Variants in PGAP4 observed in about 807,000 individuals in gnomAD.
PGAP4 encodes GPI-N-acetylgalactosamine transferase PGAP4.
In PGAP4, 12 loss-of-function variants were observed where a neutral mutation model predicts 28.2. That is an observed-to-expected ratio of 0.42 (90% confidence interval 0.27 to 0.69). The LOEUF (loss-of-function observed/expected upper bound fraction) is 0.69, where lower values mean the gene tolerates loss of function less well. PGAP4 is among the 30% of genes least tolerant of loss of function. The probability of loss-of-function intolerance (pLI) is 0.22; values close to 1 mark genes in which losing one functional copy is unlikely to be tolerated. For missense variants in PGAP4, 425 were observed against 513.5 expected (o/e 0.83, Z 1.67); for synonymous variants, 205 against 211.8 (o/e 0.97, Z 0.28).
chr9:101,475,123 T>A lies in PGAP4; in HGVS notation c.*758A>T. 6.6e-6 allele frequency: 1 copy of A among 152,146 alleles called. No individual in the cohort carries two copies. The highest frequency in any genetic ancestry group is 2.4e-5 in the African/African-American group (1 of 41,430). The allele number at this position is 152,146 out of a possible 1,614,324, so 9.4% of individuals were successfully genotyped here. On this transcript the variant is annotated 3_prime_UTR_variant, in exon 2 of 2. Coordinates refer to ENST00000374848, the MANE Select transcript of PGAP4 (RefSeq NM_032342.3). ...CCCTATATTGTATCATTCTGAAATG[T>A]CCAATTTTCAAAGAGTCAGAGTAGT...
chr9:101,518,144 C>T (rs1033604243), intron 2 of PGAP4, among the ~76,000 whole-genome samples: 2 of 152,122 alleles, frequency 1.3e-5, no homozygotes, highest in Non-Finnish European at 2.9e-5. Flanking sequence ...ATTTGGTTTT[C>T]TGTTCCTGCG....
At chr9:101,516,257 C>G (rs1272633213) in intron 2 of PGAP4, among the ~76,000 whole-genome samples, 1 of 152,098 alleles carries the variant, frequency 6.6e-6, no homozygotes, top group Non-Finnish European at 1.5e-5. Flanking sequence ...AAAAGTCTGT[C>G]TCATCAATAT....
intron 1 of PGAP4, among the ~76,000 whole-genome samples, chr9:101,484,137 C>G (rs1826555553): frequency 6.6e-6 from 1 of 151,666 alleles, no homozygotes; most frequent in Non-Finnish European, 1.5e-5. Context: ...CACATGCTAC[C>G]AAAGATGGAT....
At chr9:101,500,249 G>A (rs1224658455) in intron 2 of PGAP4, among the ~76,000 whole-genome samples, 1 of 152,046 alleles carries the variant, frequency 6.6e-6, no homozygotes, top group African/African-American at 2.4e-5. Context: ...GTAATCCAAA[G>A]TCATGGTGTC....
chr9:101,477,240 A>AAAC, intron 1 of PGAP4, 71 bp from the exon 2 acceptor site: 1 of 1,274,296 alleles, frequency 7.8e-7, no homozygotes. Context: ...ACAAAAAAAC[A>AAAC]AAAGGACAAG....
chr9:101,479,484 G>T (rs150781121), intron 1 of PGAP4, among the ~76,000 whole-genome samples: 1 of 152,188 alleles, frequency 6.6e-6, no homozygotes, highest in Admixed American at 6.5e-5. Context: ...TGTCAGGGGG[G>T]AAAGAAATGG....
chr9:101,515,424 A>G (rs1826935704), intron 2 of PGAP4, among the ~76,000 whole-genome samples: 1 of 152,164 alleles, frequency 6.6e-6, no homozygotes, highest in South Asian at 2.1e-4. Flanking sequence ...TTTGCCATAT[A>G]AGGTTTTCAA....
At chr9:101,503,252 G>C (rs1256577022) in intron 2 of PGAP4, among the ~76,000 whole-genome samples, 5 of 151,998 alleles carry the variant, frequency 3.3e-5, no homozygotes, top group Non-Finnish European at 4.4e-5. Flanking sequence ...GTTAAAGATG[G>C]CAAAGCAAAT....
intron 2 of PGAP4, among the ~76,000 whole-genome samples, chr9:101,494,446 A>T (rs1430292506): frequency 2.6e-5 from 4 of 151,934 alleles, no homozygotes; most frequent in Non-Finnish European, 4.4e-5. Context: ...AAATCTGGAG[A>T]TAAAAACATT....
chr9:101,484,050 T>G (rs936195216), intron 1 of PGAP4, among the ~76,000 whole-genome samples: 1 of 152,146 alleles, frequency 6.6e-6, no homozygotes, highest in African/African-American at 2.4e-5. Context: ...TGGGGCAGTA[T>G]CTATAAAAAT....
intron 2 of PGAP4, among the ~76,000 whole-genome samples, chr9:101,514,138 C>T (rs889389350): frequency 1.6e-4 from 24 of 152,048 alleles, no homozygotes; most frequent in Non-Finnish European, 3.1e-4. Context: ...TCACAGATAG[C>T]CAGAGGTAAT....
At position 101,486,257 on chromosome 9, in the gene PGAP4, T is replaced by C. The variant is rs1188496129; in HGVS notation, c.-78+692A>G. Among the ~76,000 whole-genome samples the C allele has an allele frequency of 6.6e-6, 1 of 152,190 alleles. No homozygotes were observed. The highest frequency in any genetic ancestry group is 6.5e-5 in the Admixed American group (1 of 15,284). ...CTGGATCTAGTGTCTGTCGCTGACC[T>C]TGGGCAGTCCCTGCCACGCTTGAGC... On this transcript the variant is annotated intron_variant, in intron 1 of 1. Transcript: ENST00000374848. This position sits in a 1 kb window ranked among gnomAD's most constrained non-coding sequence, Gnocchi z 4.7.
chr9:101,502,375 G>A (rs1270685220), intron 2 of PGAP4, among the ~76,000 whole-genome samples: 1 of 152,032 alleles, frequency 6.6e-6, no homozygotes, highest in African/African-American at 2.4e-5. Context: ...ACTTTAAATG[G>A]ATGAGTTCTC....
chr9:101,498,073 T>C (rs963886072), intron 2 of PGAP4, among the ~76,000 whole-genome samples: 1 of 151,824 alleles, frequency 6.6e-6, no homozygotes, highest in African/African-American at 2.4e-5. Flanking sequence ...GACCAAAATT[T>C]TGAGTAAAGC....
At chr9:101,493,600 G>A (rs1826711164) in intron 2 of PGAP4, among the ~76,000 whole-genome samples, 1 of 152,124 alleles carries the variant, frequency 6.6e-6, no homozygotes, top group Non-Finnish European at 1.5e-5. Flanking sequence ...CTATGATCTT[G>A]CCAAGTGAAA....
intron 1 of PGAP4, among the ~76,000 whole-genome samples, chr9:101,483,577 A>G (rs1418961395): frequency 6.6e-6 from 1 of 152,150 alleles, no homozygotes; most frequent in Non-Finnish European, 1.5e-5. Flanking sequence ...TAGACTCAAA[A>G]CATGGTTGGT....
intron 2 of PGAP4, among the ~76,000 whole-genome samples, chr9:101,500,356 G>T (rs547628887): frequency 6.9e-4 from 105 of 151,978 alleles, no homozygotes; most frequent in Non-Finnish European, 1.1e-3. Context: ...GATCATTGAG[G>T]CTCTTCCTCG....
intron 1 of PGAP4, among the ~76,000 whole-genome samples, chr9:101,484,497 T>C (rs1929482): frequency 0.37 from 56,449 of 152,024 alleles, 10,756 homozygotes; most frequent in East Asian, 0.57. Flanking sequence ...AAATTCGTGT[T>C]ATAAATCCTA....
intron 1 of PGAP4, among the ~76,000 whole-genome samples, chr9:101,482,055 G>A (rs1248337705): frequency 1.3e-5 from 2 of 152,036 alleles, no homozygotes; most frequent in Non-Finnish European, 2.9e-5. Flanking sequence ...AAAGATCTAG[G>A]TCCAATTCTC....
Sources: allele counts gnomAD v4.1 joint callset (sites outside exome capture counted in the v4.1 genomes callset), GRCh38; gene constraint gnomAD v4.1.1; non-coding constraint Gnocchi (gnomAD v3.1); transcripts MANE v1.5; gene names NCBI Gene and HGNC (gene_info 2026-07-23, HGNC 2026-07-21).